The following FBN2 variants were observed in gnomAD, a reference collection of about 807,000 sequenced individuals.
FBN2 encodes the protein fibrillin 2.
In FBN2, 105 loss-of-function variants were observed where a neutral mutation model predicts 355.6. The ratio of observed to expected loss-of-function variants is 0.30; its 90% CI spans 0.25 to 0.35. The LOEUF (loss-of-function observed/expected upper bound fraction) is 0.35. Ranked by LOEUF, FBN2 falls within the 10% of genes least tolerant of loss-of-function variation. The pLI is 1.00. For missense variants in FBN2, 3,280 were observed against 3,758.7 expected (o/e 0.87, Z 3.33); for synonymous variants, 1,350 against 1,301.2 (o/e 1.04, Z -0.81).
chr5:128,431,688 T>C (rs1043544506), intron 7 of FBN2, among the ~76,000 whole-genome samples: 2 of 152,188 alleles, frequency 1.3e-5, no homozygotes, highest in African/African-American at 4.8e-5. Flanking sequence ...ATCTGAATCA[T>C]TACCATCACT....
chr5:128,508,345 C>T (rs947946503), intron 5 of FBN2, among the ~76,000 whole-genome samples: 5 of 151,846 alleles, frequency 3.3e-5, no homozygotes, highest in African/African-American at 4.8e-5. Context: ...GTTCTTCTTA[C>T]CTTCTTTTGT....
chr5:128,288,324 A>C, intron 53 of FBN2, 114 bp downstream of exon 53: 1 of 1,259,162 alleles, frequency 7.9e-7, no homozygotes, highest in Non-Finnish European at 1.1e-6. Flanking sequence ...AAAACAAAAA[A>C]CCCCACCGTA....
At chr5:128,310,392 ATATATATATATTT>A (rs1465688581) in intron 39 of FBN2, among the ~76,000 whole-genome samples, 533 of 29,762 alleles carry the variant, frequency 0.018, 4 homozygotes, top group East Asian at 0.093. Context: ...ATATATATAT[ATATATATATATTT>A]TTTTTTTTTT....
intron 7 of FBN2, among the ~76,000 whole-genome samples, chr5:128,431,865 G>A (rs1753635506): frequency 6.6e-6 from 1 of 152,172 alleles, no homozygotes. Context: ...CACATCTCCA[G>A]CACAAGATGT....
intron 7 of FBN2, among the ~76,000 whole-genome samples, chr5:128,432,515 G>C (rs1561454209): frequency 6.6e-6 from 1 of 152,090 alleles, no homozygotes; most frequent in Non-Finnish European, 1.5e-5. Flanking sequence ...TGGCAGAGCT[G>C]TCTATTTGTG....
intron 5 of FBN2, among the ~76,000 whole-genome samples, chr5:128,518,314 T>A (rs546881297): frequency 3.3e-5 from 5 of 152,328 alleles, no homozygotes; most frequent in Middle Eastern, 3.4e-3. Flanking sequence ...GTCATGAGTT[T>A]AACTGCTATT....
At chr5:128,276,319 G>C (rs974185818) in intron 58 of FBN2, among the ~76,000 whole-genome samples, 159 bp from the exon 59 acceptor site, 2 of 152,156 alleles carry the variant, frequency 1.3e-5, no homozygotes, top group Non-Finnish European at 2.9e-5. Flanking sequence ...TTTTTCTAAA[G>C]TAACATGCGG....
chr5:128,411,908 T>C (rs866392658), intron 7 of FBN2, among the ~76,000 whole-genome samples: 12 of 152,218 alleles, frequency 7.9e-5, no homozygotes, highest in African/African-American at 2.9e-4. Flanking sequence ...ATATTAGTTC[T>C]TCAATACTGT....
chr5:128,278,101 T>G, intron 57 of FBN2, 96 bp from the exon 58 acceptor site: 549 of 1,127,972 alleles, frequency 4.9e-4, no homozygotes, highest in Non-Finnish European at 6.4e-4. Flanking sequence ...GGAGATGACA[T>G]AACTAACTGC....
Position 128,287,388 on chromosome 5 carries a change from C to T in FBN2, c.6800G>A (p.Arg2267His), listed in dbSNP as rs868504219. ...ATAGGACCCAAAAGTGTTCATGCAG[C>T]GGAAAGCACACAGCAGTGGGTTCTG... ...CAQNPLLCAF[R>H]CMNTFGSYEC... The change falls in exon 54 of 65, where the codon CGC (arginine) becomes CAC (histidine). Residue 2267 changes from arginine (R) to histidine (H), a missense_variant. This residue lies in a region of FBN2 where 2,284 missense variants were observed against 2,749.5 expected (regional missense o/e 0.83). Transcript: ENST00000262464. 9 of 1,613,954 alleles carry T rather than the reference C, an allele frequency of 5.6e-6. No homozygotes were observed. Among genetic ancestry groups the T allele is most frequent in the South Asian group, 1.1e-5 (1 of 91,076 alleles).
At chr5:128,310,396 ATATATATTTTTTTT>A (rs1224027435) in intron 39 of FBN2, among the ~76,000 whole-genome samples, 3,645 of 18,374 alleles carry the variant, frequency 0.2, 94 homozygotes, top group Non-Finnish European at 0.3. Context: ...ATATATATAT[ATATATATTTTTTTT>A]TTTTTTTTTT....
intron 26 of FBN2, 79 bp downstream of exon 26, chr5:128,338,854 G>A (rs1165346936): frequency 6.7e-7 from 1 of 1,486,376 alleles, no homozygotes. Context: ...ACAGCCCAGA[G>A]ATAAGCAAAG....
intron 6 of FBN2, among the ~76,000 whole-genome samples, chr5:128,449,964 T>G (rs1024472631): frequency 6.6e-6 from 1 of 151,978 alleles, no homozygotes; most frequent in Non-Finnish European, 1.5e-5. Flanking sequence ...GACAAAGGGG[T>G]CAATTCATCA....
chr5:128,278,611 G>T, intron 57 of FBN2, 24 bp downstream of exon 57: 4 of 1,595,190 alleles, frequency 2.5e-6, no homozygotes, highest in Non-Finnish European at 3.4e-6. Context: ...TTGATTATAT[G>T]AATAAATTTC....
intron 33 of FBN2, among the ~76,000 whole-genome samples, chr5:128,329,096 T>C (rs527662869): frequency 1.3e-5 from 2 of 152,312 alleles, no homozygotes; most frequent in Admixed American, 1.3e-4. Context: ...AACGCAGACA[T>C]CTCTCACATT....
At chr5:128,452,478 TG>T (rs1158737815) in intron 6 of FBN2, among the ~76,000 whole-genome samples, 2 of 152,158 alleles carry the variant, frequency 1.3e-5, no homozygotes, top group Non-Finnish European at 2.9e-5. Context: ...CGTGTAAACT[TG>T]TTCTAAAAAA....
In FBN2 at chr5:128,313,872, A is replaced by C. The variant is rs866314339; in HGVS notation, c.4718-1077T>G. 3.7e-3 allele frequency among the ~76,000 whole-genome samples: 555 copies of C among 151,240 alleles called. 5 individuals are homozygous for C. The highest frequency in any genetic ancestry group is 0.021 in the Middle Eastern group (6 of 292). On this transcript the variant is annotated intron_variant, in intron 36 of 64. Coordinates refer to ENST00000262464, the MANE Select transcript of FBN2 (RefSeq NM_001999.4). ...TGTCTCAAAAAAAAAAAAAAAAAAA[A>C]AAAACATATCTGGAATCTGTCTACT...
chr5:128,437,331 A>T (rs563124832), intron 7 of FBN2, among the ~76,000 whole-genome samples: 10 of 152,236 alleles, frequency 6.6e-5, no homozygotes, highest in Admixed American at 2.6e-4. Flanking sequence ...GCAGCATGCA[A>T]TTACATAGAT....
At chr5:128,273,109 G>A (rs1259142334) in intron 61 of FBN2, among the ~76,000 whole-genome samples, 1 of 152,050 alleles carries the variant, frequency 6.6e-6, no homozygotes, top group Non-Finnish European at 1.5e-5. Flanking sequence ...ACTATAAATT[G>A]CAATACGATA....
Sources: gnomAD v4.1 joint callset for allele counts (sites outside exome capture counted in the v4.1 genomes callset) on GRCh38, gnomAD v4.1.1 for gene constraint, gnomAD v4.1.1 regional missense constraint, MANE v1.5 for transcripts, NCBI Gene and HGNC (gene_info 2026-07-23, HGNC 2026-07-21) for gene names.